Variants in ZNF69 observed in about 807,000 individuals in gnomAD.
ZNF69 encodes ZNF3.
A neutral mutation model predicts 50.9 loss-of-function variants in ZNF69; 47 were observed. The observed-to-expected ratio is 0.92, with a 90% CI of 0.73 to 1.18. ZNF69 has a LOEUF of 1.18. Ranked by LOEUF, ZNF69 falls within the 50% of genes most tolerant of loss-of-function variation. ZNF69 has a pLI of 0.00. For missense variants in ZNF69, 717 were observed against 675.1 expected (o/e 1.06, Z -0.69); for synonymous variants, 216 against 223.1 (o/e 0.97, Z 0.29).
intron 1 of ZNF69, among the ~76,000 whole-genome samples, chr19:11,892,215 A>G (rs1977110835): frequency 6.6e-6 from 1 of 150,774 alleles, no homozygotes; most frequent in Admixed American, 6.6e-5. Flanking sequence ...CCTGGCCTCA[A>G]ACAGTCCTGC....
chr19:11,971,458 C>G, the ZNF69 span, among the ~76,000 whole-genome samples: 2 of 152,090 alleles, frequency 1.3e-5, no homozygotes, highest in African/African-American at 4.8e-5. Context: ...TGCCGTAACA[C>G]CCTCCAACCA....
the ZNF69 span, chr19:11,949,165 GA>G: frequency 4.2e-4 from 682 of 1,612,682 alleles, 3 homozygotes; most frequent in African/African-American, 8.4e-3. Flanking sequence ...TCAAACACAT[GA>G]AAAAACTCAC....
chr19:11,977,449 A>G, the ZNF69 span: 1 of 1,613,212 alleles, frequency 6.2e-7, no homozygotes, highest in African/African-American at 1.3e-5. Context: ...GCACTTAAAG[A>G]GAAAGCAGTG....
chr19:11,895,278 C>A (rs1977198022), intron 1 of ZNF69, among the ~76,000 whole-genome samples: 2 of 152,176 alleles, frequency 1.3e-5, no homozygotes, highest in South Asian at 4.1e-4. Flanking sequence ...GCTCACAATC[C>A]CAGGAGATGA....
At chr19:11,921,913 T>TA in the ZNF69 span, among the ~76,000 whole-genome samples, 1 of 152,154 alleles carries the variant, frequency 6.6e-6, no homozygotes, top group Non-Finnish European at 1.5e-5. Flanking sequence ...AATTTAAAAA[T>TA]AATAAGTACT....
chr19:11,941,374 G>T, the ZNF69 span, among the ~76,000 whole-genome samples: 1 of 152,228 alleles, frequency 6.6e-6, no homozygotes, highest in Non-Finnish European at 1.5e-5. Context: ...GGCTCGGGCC[G>T]CACAGGAGCC....
Position 11,905,267 on chromosome 19 carries a change from C to A in ZNF69, c.870C>A (p.Cys290Ter), listed in dbSNP as rs775299589. 2.5e-6 allele frequency: 4 copies of A among 1,613,914 alleles called. No individual in the cohort carries two copies. The highest frequency in any genetic ancestry group is 2.7e-5 in the African/African-American group (2 of 74,886). Residue 290 changes from cysteine to a stop codon, truncating the protein, a stop_gained, in exon 4 of 4, where the codon TGC becomes TGA. Transcript: ENST00000429654. LOFTEE classifies it high-confidence loss of function. ...QCGKAFHSPR[C>*]YRRHERIHTG... ...GGAAAGCATTTCATAGTCCCAGATGCTATCGTAGACATGAAAGGATTCACA... is the reference window on the plus strand; with the variant it reads ...GGAAAGCATTTCATAGTCCCAGATGATATCGTAGACATGAAAGGATTCACA...
chr19:11,934,276 C>T, the ZNF69 span, among the ~76,000 whole-genome samples: 4 of 147,672 alleles, frequency 2.7e-5, no homozygotes, highest in Non-Finnish European at 5.9e-5. Context: ...TTTGTGTGGA[C>T]ATCAGTTTTC....
At chr19:11,959,781 T>C in the ZNF69 span, among the ~76,000 whole-genome samples, 1 of 152,220 alleles carries the variant, frequency 6.6e-6, no homozygotes, top group African/African-American at 2.4e-5. Flanking sequence ...GAAATGTCGA[T>C]AGAGTATGAA....
At chr19:11,893,356 C>G (rs983496539) in intron 1 of ZNF69, among the ~76,000 whole-genome samples, 3 of 152,146 alleles carry the variant, frequency 2.0e-5, no homozygotes, top group Non-Finnish European at 4.4e-5. Flanking sequence ...CTGTTTTCCC[C>G]TGGCATTTTC....
chr19:11,901,451 T>C (rs960016535), intron 1 of ZNF69, among the ~76,000 whole-genome samples: 1 of 152,200 alleles, frequency 6.6e-6, no homozygotes, highest in Non-Finnish European at 1.5e-5. Context: ...GGTTAAGGCT[T>C]GTCAGATGCC....
At chr19:11,900,311 G>A (rs867376971) in intron 1 of ZNF69, among the ~76,000 whole-genome samples, 2 of 151,388 alleles carry the variant, frequency 1.3e-5, no homozygotes, top group Non-Finnish European at 1.5e-5. Context: ...ATGTTTGTTT[G>A]CCATAATTAC....
the ZNF69 span, among the ~76,000 whole-genome samples, chr19:11,929,236 T>C: frequency 6.7e-6 from 1 of 148,602 alleles, no homozygotes; most frequent in Non-Finnish European, 1.5e-5. Context: ...CGATCTCAGC[T>C]CACTGCAGCC....
the ZNF69 span, among the ~76,000 whole-genome samples, chr19:11,963,088 A>AGAGAGAGAGTGTGTGT: frequency 7.2e-6 from 1 of 138,248 alleles, no homozygotes; most frequent in African/African-American, 3.0e-5. Flanking sequence ...AGAGAGAGAG[A>AGAGAGAGAGTGTGTGT]GTGTGTGTGT....
chr19:11,966,887 G>A, the ZNF69 span, among the ~76,000 whole-genome samples: 1 of 152,104 alleles, frequency 6.6e-6, no homozygotes, highest in African/African-American at 2.4e-5. Context: ...ACAGACTCTA[G>A]AGAAAAGGAC....
the ZNF69 span, chr19:11,980,159 C>T: frequency 3.0e-6 from 2 of 663,938 alleles, no homozygotes; most frequent in African/African-American, 3.7e-5. Context: ...GCAGGTGAAT[C>T]ACCTGAGGTC....
chr19:11,948,703 T>G, the ZNF69 span: 1 of 1,612,620 alleles, frequency 6.2e-7, no homozygotes, highest in Non-Finnish European at 8.5e-7. Context: ...ATGTAAATTT[T>G]GTGGGAAAGC....
In ZNF69 at chr19:11,903,888, C is replaced by A. The variant is rs1158767879; in HGVS notation, c.191-17C>A. On this transcript the variant is annotated splice_polypyrimidine_tract_variant and intron_variant, in intron 2 of 3. Transcript: ENST00000429654. ...TTTATACTGCCTCAGGACTATTTTT[C>A]TGTGTCTATATTTTAGGAAAAAGTT... The A allele has an allele frequency of 1.9e-6, 3 of 1,612,104 alleles. No homozygotes were observed. The South Asian group carries it at 3.3e-5, about 18-fold the overall frequency.
chr19:11,948,416 G>T, the ZNF69 span: 2 of 1,614,148 alleles, frequency 1.2e-6, no homozygotes, highest in Admixed American at 3.3e-5. Flanking sequence ...AGCTTTGTGT[G>T]TGCAGAAGTT....
Sources: gnomAD v4.1 joint callset for allele counts (sites outside exome capture counted in the v4.1 genomes callset) on GRCh38, gnomAD v4.1.1 for gene constraint, MANE v1.5 for transcripts, NCBI Gene and HGNC (gene_info 2026-07-23, HGNC 2026-07-21) for gene names.